Variants in CDC14B observed in about 807,000 individuals in gnomAD.
CDC14B encodes cell division cycle 14B.
CDC14B carries 22 observed loss-of-function variants against 64.2 expected under a neutral mutation model. The observed-to-expected ratio is 0.34, with a 90% CI of 0.24 to 0.49. The LOEUF is 0.49. CDC14B is among the 20% of genes least tolerant of loss of function. The pLI is 0.99. For synonymous variants in CDC14B, 191 were observed against 215.8 expected, an observed-to-expected ratio of 0.89 and a Z score of 1.01; for missense variants, 498 against 629.9, an observed-to-expected ratio of 0.79 and a Z score of 2.24.
downstream of CDC14B, among the ~76,000 whole-genome samples, chr9:96,498,291 C>T (rs565647258): frequency 8.5e-5 from 13 of 152,322 alleles, no homozygotes; most frequent in South Asian, 2.7e-3. Context: ...GCTAGGTGCT[C>T]ACTAGTCCAA....
At chr9:96,606,646 A>C (rs192926870) in intron 1 of CDC14B, among the ~76,000 whole-genome samples, 7 of 151,270 alleles carry the variant, frequency 4.6e-5, no homozygotes, top group Non-Finnish European at 5.9e-5. Flanking sequence ...AGCTCAACGC[A>C]ACCTCTACCT....
intron 1 of CDC14B, among the ~76,000 whole-genome samples, chr9:96,616,497 G>T (rs963164869): frequency 6.6e-6 from 1 of 152,116 alleles, no homozygotes; most frequent in East Asian, 1.9e-4. Context: ...AGACCAAGGC[G>T]GGCGGATCAC....
chr9:96,542,744 C>G (rs1311913434), intron 5 of CDC14B, among the ~76,000 whole-genome samples: 1 of 151,980 alleles, frequency 6.6e-6, no homozygotes, highest in Non-Finnish European at 1.5e-5. Context: ...GGCGCAGTGG[C>G]TCAGGCATGT....
At chr9:96,598,179 A>C (rs6477568) in intron 1 of CDC14B, among the ~76,000 whole-genome samples, 7,028 of 152,294 alleles carry the variant, frequency 0.046, 557 homozygotes, top group African/African-American at 0.16. Flanking sequence ...CCAATAGAAA[A>C]ATGTGCAAAG....
intron 12 of CDC14B, among the ~76,000 whole-genome samples, chr9:96,516,327 T>A (rs545919528): frequency 8.5e-5 from 13 of 152,334 alleles, no homozygotes; most frequent in African/African-American, 3.1e-4. Context: ...CACATTTTTA[T>A]AATATGGTTC....
downstream of CDC14B, among the ~76,000 whole-genome samples, chr9:96,497,188 C>T (rs771874375): frequency 6.6e-6 from 1 of 152,254 alleles, no homozygotes; most frequent in Non-Finnish European, 1.5e-5. Context: ...CAGGCCGGGG[C>T]CTCCTTACCT....
At chr9:96,562,450 G>A (rs563940887) in intron 4 of CDC14B, 2 of 425,600 alleles carry the variant, frequency 4.7e-6, no homozygotes, top group African/African-American at 2.0e-5. Flanking sequence ...AAAAATATAG[G>A]CTTTTTTCCC....
intron 1 of CDC14B, chr9:96,566,703 C>T (rs1403875893): frequency 2.0e-6 from 3 of 1,508,880 alleles, no homozygotes; most frequent in Non-Finnish European, 2.7e-6. Flanking sequence ...CAAGCCAGCA[C>T]TGCCCGCCCT....
chr9:96,606,844 G>A (rs1466327076), intron 1 of CDC14B, among the ~76,000 whole-genome samples: 1 of 151,930 alleles, frequency 6.6e-6, no homozygotes, highest in Non-Finnish European at 1.5e-5. Context: ...GGGATTACAG[G>A]CGTGAGCCAC....
In CDC14B at chr9:96,500,409, AAT is replaced by A. The variant is rs1273386999; in HGVS notation, c.*3342_*3343del. On this transcript the variant is annotated 3_prime_UTR_variant, in exon 14 of 14. Coordinates refer to ENST00000375241, the MANE Select transcript of CDC14B (RefSeq NM_033331.4). Reference sequence around the variant, plus strand: ...TGATCAGTTACATTTTAAAACTTTTAATAATCTGTACATGAGTGCAGGTTAGA... The same window carrying A: ...TGATCAGTTACATTTTAAAACTTTTAAATCTGTACATGAGTGCAGGTTAGA... The A allele has an allele frequency of 2.0e-5, 3 of 152,804 alleles. No individual in the cohort carries two copies. Among genetic ancestry groups the A allele is most frequent in the Non-Finnish European group, 4.4e-5 (3 of 68,030 alleles). 9.5% of individuals were successfully genotyped at this position (152,804 alleles called of 1,614,324 possible).
chr9:96,492,235 A>C (rs1039736474), exon 14 of CDC14B: 2 of 152,286 alleles, frequency 1.3e-5, no homozygotes, highest in Non-Finnish European at 2.9e-5. Flanking sequence ...GAGGTCAAGC[A>C]AGTTTGAGCT....
At chr9:96,596,938 T>A (rs1003313343) in intron 1 of CDC14B, among the ~76,000 whole-genome samples, 2 of 151,994 alleles carry the variant, frequency 1.3e-5, no homozygotes, top group African/African-American at 4.8e-5. Flanking sequence ...AATTATATGT[T>A]AAGGAGAAGG....
At chr9:96,518,599 T>TA (rs1836125017) in intron 12 of CDC14B, among the ~76,000 whole-genome samples, 1 of 152,120 alleles carries the variant, frequency 6.6e-6, no homozygotes. Flanking sequence ...AGCCTAACCT[T>TA]ACCCCACAAG....
chr9:96,502,571 T>G lies in CDC14B; in HGVS notation c.*1182A>C. ...ATGGAAGGAACTGAGGTGAGTACTA[T>G]ATATTCTTTTATTTCGGGCCCCATT... On this transcript the variant is annotated 3_prime_UTR_variant, in exon 14 of 14. Coordinates refer to ENST00000375241, the MANE Select transcript of CDC14B (RefSeq NM_033331.4). 1.5e-5 allele frequency: 4 copies of G among 259,782 alleles called. No individual in the cohort carries two copies. Among genetic ancestry groups the G allele is most frequent in the Non-Finnish European group, 2.1e-5 (3 of 144,750 alleles). 16.1% of individuals were successfully genotyped at this position (259,782 alleles called of 1,614,324 possible). A position where few individuals can be genotyped will look rare whatever the true frequency, so the allele number is the denominator to read the frequency against.
At chr9:96,572,889 T>G (rs981804711) in intron 1 of CDC14B, among the ~76,000 whole-genome samples, 6 of 152,188 alleles carry the variant, frequency 3.9e-5, no homozygotes, top group Non-Finnish European at 8.8e-5. Flanking sequence ...CCACTATCAT[T>G]ACCTCTTTTT....
chr9:96,589,336 C>T (rs946092530), intron 1 of CDC14B, among the ~76,000 whole-genome samples: 1 of 83,124 alleles, frequency 1.2e-5, no homozygotes. Context: ...GAGACTCCGT[C>T]TTAAAAAAAA....
intron 9 of CDC14B, among the ~76,000 whole-genome samples, chr9:96,530,961 CAT>C (rs1199212323): frequency 1.3e-5 from 2 of 152,148 alleles, no homozygotes; most frequent in Non-Finnish European, 2.9e-5. Flanking sequence ...GATTGATTTT[CAT>C]ATGTTGAACC....
Position 96,539,129 on chromosome 9 carries a change from A to G in CDC14B, c.576T>C (p.Tyr192=). 6.2e-7 allele frequency: 1 copy of G among 1,605,802 alleles called. No individual in the cohort carries two copies. The highest frequency in any genetic ancestry group is 1.3e-5 in the African/African-American group (1 of 74,878). ...CFHAVKKAMQ[Y]GFLNFNSFNL... is the part of the protein sequence containing the mutation. ...TAAATGAGTTGAAATTAAGGAAGCC[A>G]TACTGCATTGCCTAAAATCCAAAAG... Residue 192 remains tyrosine, a synonymous_variant, in exon 7 of 14, where the codon TAT becomes TAC. Transcript: ENST00000375241.
At chr9:96,527,218 T>C (rs1366953298) in intron 9 of CDC14B, among the ~76,000 whole-genome samples, 1 of 151,776 alleles carries the variant, frequency 6.6e-6, no homozygotes, top group Non-Finnish European at 1.5e-5. Context: ...GCTAACACAG[T>C]GAAACCCCGT....
Sources: allele counts gnomAD v4.1 joint callset (sites outside exome capture counted in the v4.1 genomes callset), GRCh38; gene constraint gnomAD v4.1.1; transcripts MANE v1.5; gene names NCBI Gene and HGNC (gene_info 2026-07-23, HGNC 2026-07-21).